Variants in SDE2 observed in about 807,000 individuals in gnomAD.
SDE2 encodes spliceosome associated SDE2, also known as splicing regulator SDE2.
SDE2 carries 31 observed loss-of-function variants against 46.9 expected under a neutral mutation model. The ratio of observed to expected loss-of-function variants is 0.66; its 90% CI spans 0.50 to 0.89. The LOEUF (loss-of-function observed/expected upper bound fraction) is 0.89, where lower values mean the gene tolerates loss of function less well. Among genes scored for constraint, SDE2 ranks in the 40% least tolerant of loss-of-function variants. The pLI, the probability that SDE2 is intolerant of heterozygous loss-of-function variation, is 0.00. For synonymous variants in SDE2, 205 were observed against 204.3 expected (o/e 1.00, Z -0.03); for missense variants, 542 against 564.4 (o/e 0.96, Z 0.40).
intron 6 of SDE2, among the ~76,000 whole-genome samples, chr1:225,987,056 T>C (rs1656284096): frequency 6.6e-6 from 1 of 152,188 alleles, no homozygotes; most frequent in African/African-American, 2.4e-5. Context: ...TTATTATTAT[T>C]TTTTGAGATG....
At chr1:225,987,545 C>T (rs1476532167) in intron 6 of SDE2, among the ~76,000 whole-genome samples, 1 of 152,074 alleles carries the variant, frequency 6.6e-6, no homozygotes, top group African/African-American at 2.4e-5. Context: ...ATCTAAAATG[C>T]CATCTATCAT....
chr1:225,988,818 G>A (rs919550916), intron 5 of SDE2, among the ~76,000 whole-genome samples: 3 of 152,068 alleles, frequency 2.0e-5, no homozygotes, highest in Non-Finnish European at 4.4e-5. Flanking sequence ...GGCAAATTTC[G>A]GAAAAAGATA....
Position 225,983,288 on chromosome 1 carries a change from CCAGAGA to C in SDE2, c.*2008_*2013del, listed in dbSNP as rs1656193476. 1.3e-5 allele frequency: 2 copies of C among 152,084 alleles called. No homozygotes were observed. Among genetic ancestry groups the C allele is most frequent in the South Asian group, 4.1e-4 (2 of 4,820 alleles). The allele number at this position is 152,084 out of a possible 1,614,324, so 9.4% of individuals were successfully genotyped here. A position where few individuals can be genotyped will look rare whatever the true frequency, so the allele number is the denominator to read the frequency against. ...TAAAGTAGATTTCAAACCCAAATTA[CCAGAGA>C]CAGAGGGAAATTTCATAATGATAAA... is the stretch of plus-strand genomic sequence containing the variant. On this transcript the variant is annotated 3_prime_UTR_variant, in exon 7 of 7. Coordinates refer to ENST00000272091, the MANE Select transcript of SDE2 (RefSeq NM_152608.4).
chr1:225,994,754 A>G (rs4653701), intron 2 of SDE2, among the ~76,000 whole-genome samples: 54,415 of 152,136 alleles, frequency 0.36, 10,966 homozygotes, highest in Admixed American at 0.52. Context: ...ATTTTCCCCC[A>G]AAGTTTTAGA....
chr1:225,993,865 GCTCAATGGATC>G (rs1272830697), intron 2 of SDE2, among the ~76,000 whole-genome samples: 1 of 152,000 alleles, frequency 6.6e-6, no homozygotes, highest in East Asian at 1.9e-4. Flanking sequence ...GAACTCCTGG[GCTCAATGGATC>G]CTCTTACCAC....
chr1:225,999,230 G>A lies in SDE2; in HGVS notation c.83C>T (p.Thr28Ile), dbSNP rs1037318551. ...GTGCCGGTGGATAAAATCCCGGACG[G>A]TGCACCGACCCGAGGCACACCGCAC... is the stretch of plus-strand genomic sequence containing the variant. ...KAVRCASGRC[T>I]VRDFIHRHCQ... The change falls in exon 1 of 7, where the codon ACC (threonine) becomes ATC (isoleucine). Residue 28 changes from threonine to isoleucine, a missense_variant. This residue lies in a region of SDE2 where 135 missense variants were observed against 106.5 expected (regional missense o/e 1.27). Transcript: ENST00000272091. 6.2e-7 allele frequency: 1 copy of A among 1,613,090 alleles called. No individual in the cohort carries two copies. The highest frequency in any genetic ancestry group is 8.5e-7 in the Non-Finnish European group (1 of 1,179,550).
chr1:225,992,588 G>A (rs747471628), intron 3 of SDE2, 21 bp from the exon 4 acceptor site: 1 of 1,514,476 alleles, frequency 6.6e-7, no homozygotes, highest in Admixed American at 1.7e-5. Flanking sequence ...GGGAGGAAGA[G>A]ATATAACTGA....
chr1:225,998,135 G>C (rs1427682166), intron 1 of SDE2, among the ~76,000 whole-genome samples: 2 of 152,114 alleles, frequency 1.3e-5, no homozygotes, highest in African/African-American at 4.8e-5. Context: ...TCGGGGGTGG[G>C]GGAGGGGGAG....
chr1:225,989,867 A>C (rs1338870004), intron 5 of SDE2, among the ~76,000 whole-genome samples: 2 of 152,082 alleles, frequency 1.3e-5, no homozygotes, highest in Non-Finnish European at 2.9e-5. Context: ...CCTGCTCAGG[A>C]GTTTGAGACC....
chr1:225,985,194 C>T lies in SDE2; in HGVS notation c.*108G>A. On this transcript the variant is annotated 3_prime_UTR_variant, in exon 7 of 7. Transcript: ENST00000272091. ...AAAGGGGATAGTTAGAATTGGGTTA[C>T]TAAAAAGTTAGCTTTTAATATCAAC... 1 of 818,564 alleles carries T rather than the reference C, an allele frequency of 1.2e-6. No individual in the cohort carries two copies. The highest frequency in any genetic ancestry group is 2.0e-6 in the Non-Finnish European group (1 of 500,882). The allele number at this position is 818,564 out of a possible 1,614,324, so 50.7% of individuals were successfully genotyped here.
rs368363047 is a variant in SDE2, at chr1:225,992,576, G to T, written c.351-9C>A. 3 of 1,577,530 alleles carry T rather than the reference G, an allele frequency of 1.9e-6. No homozygotes were observed. The highest frequency in any genetic ancestry group is 2.7e-5 in the African/African-American group (2 of 74,330). On this transcript the variant is annotated splice_polypyrimidine_tract_variant and intron_variant, in intron 3 of 6. Transcript: ENST00000272091. ...TTACCCATTCAGCCATTCTGGGGAT[G>T]AGGGAGGAAGAGATATAACTGAATA...
intron 1 of SDE2, among the ~76,000 whole-genome samples, chr1:225,996,589 C>T (rs1001140285): frequency 6.6e-6 from 1 of 152,194 alleles, no homozygotes; most frequent in African/African-American, 2.4e-5. Context: ...TAAAGTGCTT[C>T]AAACACAAAT....
intron 2 of SDE2, among the ~76,000 whole-genome samples, chr1:225,993,401 G>A (rs987364356): frequency 2.6e-5 from 4 of 152,148 alleles, no homozygotes; most frequent in Non-Finnish European, 5.9e-5. Flanking sequence ...CATGAGGTCA[G>A]GAGATCAAGA....
rs763499975 is a variant in SDE2 at position 225,991,226 on chromosome 1, G to A, written c.641+17C>T. On this transcript the variant is annotated intron_variant, in intron 5 of 6. Transcript: ENST00000272091. ...CAGTCCTCAAAGATCAATTGGGAAC[G>A]AAAGTGAAACACTTACCAGAAGCAT... is the stretch of plus-strand genomic sequence containing the variant. 146 of 1,609,882 alleles carry A rather than the reference G, an allele frequency of 9.1e-5. No individual in the cohort carries two copies. The highest frequency in any genetic ancestry group is 1.2e-4 in the Non-Finnish European group (138 of 1,176,736).
rs377596622 is a variant in SDE2 at position 225,987,931 on chromosome 1, C to G, written c.1099G>C (p.Val367Leu). 5 of 1,612,548 alleles carry G rather than the reference C, an allele frequency of 3.1e-6. No individual in the cohort carries two copies. Among genetic ancestry groups the G allele is most frequent in the Non-Finnish European group, 4.2e-6 (5 of 1,179,600 alleles). ...VAPEERENVA[V>L]AKLQESQPGN... The stretch of plus-strand genomic sequence containing the variant: ...GGCTGGCTTTCCTGCAGTTTGGCAA[C>G]GGCAACGTTTTCCCTTTCTTCAGGT... Residue 367 changes from valine to leucine, a missense_variant, in exon 6 of 7, where the codon GTT becomes CTT. Physicochemically the swap from Val to Leu is conservative, Grantham distance 32. Transcript: ENST00000272091.
Position 225,988,266 on chromosome 1 carries a change from C to CCATTGCTACCAATTT in SDE2, c.749_763dup (p.Asn254_Gly255insGluIleGlySerAsn). 1 of 1,614,212 alleles carries CCATTGCTACCAATTT rather than the reference C, an allele frequency of 6.2e-7. No individual in the cohort carries two copies. The highest frequency in any genetic ancestry group is 1.3e-5 in the African/African-American group (1 of 75,058). ...GGGAAATTTGGCTGCCATCTCGACA[C>CCATTGCTACCAATTT]CATTGCTACCAATTTTTGGAGCATG... On this transcript the variant is annotated inframe_insertion, in exon 6 of 7. Transcript: ENST00000272091.
Position 225,999,200 on chromosome 1 carries a change from T to C in SDE2, c.113A>G (p.Gln38Arg), listed in dbSNP as rs1383932079. 2 of 1,612,488 alleles carry C rather than the reference T, an allele frequency of 1.2e-6. No individual in the cohort carries two copies. The highest frequency in any genetic ancestry group is 2.2e-5 in the South Asian group (2 of 90,890). Residue 38 changes from glutamine to arginine, a missense_variant, in exon 1 of 7, where the codon CAA becomes CGA. Gln to Arg is a conservative substitution (Grantham distance 43). Around this residue, in one of 3 missense-constraint regions of SDE2, gnomAD observed 135 missense variants for 106.5 expected, o/e 1.27. Coordinates refer to ENST00000272091, the MANE Select transcript of SDE2 (RefSeq NM_152608.4). ...AGGAACCGAAATCCTCACCTGATCT[T>C]GGCAGTGCCGGTGGATAAAATCCCG... ...TVRDFIHRHC[Q>R]DQNVPVENFF...
At position 225,999,314 on chromosome 1, in the gene SDE2, T is replaced by C; in HGVS notation, c.-2A>G. Reference sequence around the variant, plus strand: ...CACCAGCGCCGCGGCCTCCGCCATGTCACCGACTACCCGAACCTCAAGCCT... The same window carrying C: ...CACCAGCGCCGCGGCCTCCGCCATGCCACCGACTACCCGAACCTCAAGCCT... On this transcript the variant is annotated 5_prime_UTR_variant, in exon 1 of 7. Coordinates refer to ENST00000272091, the MANE Select transcript of SDE2 (RefSeq NM_152608.4). The C allele has an allele frequency of 6.2e-7, 1 of 1,610,872 alleles. No homozygotes were observed. Among genetic ancestry groups the C allele is most frequent in the South Asian group, 1.1e-5 (1 of 90,746 alleles).
chr1:225,990,985 T>C (rs1348005865), intron 5 of SDE2, among the ~76,000 whole-genome samples: 1 of 152,100 alleles, frequency 6.6e-6, no homozygotes, highest in Non-Finnish European at 1.5e-5. Context: ...ACCAAAAAAG[T>C]AATTCAAATA....
Sources: gnomAD v4.1 joint callset for allele counts (sites outside exome capture counted in the v4.1 genomes callset) on GRCh38, gnomAD v4.1.1 for gene constraint, gnomAD v4.1.1 regional missense constraint, MANE v1.5 for transcripts, NCBI Gene and HGNC (gene_info 2026-07-23, HGNC 2026-07-21) for gene names.